The following CAMK2G variants were observed in gnomAD, a reference collection of about 807,000 sequenced individuals.
CAMK2G encodes calcium/calmodulin dependent protein kinase II gamma.
In CAMK2G, 23 loss-of-function variants were observed where a neutral mutation model predicts 88.7. The ratio of observed to expected loss-of-function variants is 0.26; its 90% CI spans 0.19 to 0.37. The LOEUF (loss-of-function observed/expected upper bound fraction) is 0.37, where lower values mean the gene tolerates loss of function less well. Ranked by LOEUF, CAMK2G falls within the 10% of genes least tolerant of loss-of-function variation. The pLI is 1.00. For missense variants in CAMK2G, 476 were observed against 780.8 expected (o/e 0.61, Z 4.65); for synonymous variants, 263 against 294.8 (o/e 0.89, Z 1.11).
chr10:73,839,840 G>A lies in CAMK2G; in HGVS notation c.947-239C>T, dbSNP rs1454787088. On this transcript the variant is annotated intron_variant, in intron 12 of 22. Coordinates refer to ENST00000423381, the MANE Select transcript of CAMK2G (RefSeq NM_001367534.1). This position sits in a 1 kb window ranked among gnomAD's most constrained non-coding sequence, Gnocchi z 4.2. ...GAACACTGCGTCCCCACCAGATGGAGAGGGCTGCAGTGCCTGTCTCATGAC... is the reference window on the plus strand; with the variant it reads ...GAACACTGCGTCCCCACCAGATGGAAAGGGCTGCAGTGCCTGTCTCATGAC... Among the ~76,000 whole-genome samples, 2 of 152,180 alleles carry A rather than the reference G, an allele frequency of 1.3e-5. No homozygotes were observed. The highest frequency in any genetic ancestry group is 4.8e-5 in the African/African-American group (2 of 41,448).
intron 10 of CAMK2G, chr10:73,846,887 G>A (rs1207518033): frequency 4.1e-6 from 1 of 243,554 alleles, no homozygotes; most frequent in East Asian, 9.3e-5. Flanking sequence ...ATGAACCCCA[G>A]CTTGGGAATT....
chr10:73,814,565 C>G (rs775131768), intron 22 of CAMK2G, 60 bp from the exon 23 acceptor site: 37 of 182,070 alleles, frequency 2.0e-4, no homozygotes, highest in Admixed American at 3.7e-4. Flanking sequence ...CAGATGAGTT[C>G]CAGCGACTTT....
In CAMK2G at chr10:73,849,332, G is replaced by T. The variant is rs368822119; in HGVS notation, c.343C>A (p.His115Asn). Residue 115 changes from histidine (H) to asparagine (N), a missense_variant and splice_region_variant, in exon 6 of 23, where the codon CAC becomes AAC. His to Asn is a moderately conservative substitution (Grantham distance 68, BLOSUM62 1). This residue lies in a region of CAMK2G where 164 missense variants were observed against 385.6 expected (regional missense o/e 0.43). Transcript: ENST00000423381. ...REYYSEADAS[H>N]CIHQILESVN... ...CTCTCCAGAATCTGATGTATACAGT[G>T]GCTAAAAAAGCAGAAGGAAAAGAAA... The T allele has an allele frequency of 1.0e-4, 162 of 1,609,012 alleles. No homozygotes were observed. The highest frequency in any genetic ancestry group is 1.3e-4 in the Non-Finnish European group (154 of 1,175,700).
intron 2 of CAMK2G, among the ~76,000 whole-genome samples, chr10:73,863,308 C>T (rs2095459659): frequency 6.6e-6 from 1 of 152,210 alleles, no homozygotes; most frequent in Admixed American, 6.5e-5. Flanking sequence ...TCCCAGATCA[C>T]CTGGCATCCC....
In CAMK2G at chr10:73,874,390, GC is replaced by G; in HGVS notation, c.65+6del. Reference sequence around the variant, plus strand: ...GCAGGCAGGGGACCGCGGCGGGCGGGCCGTACTTGCCAAGCTCCTCGAAGAG... The same window carrying G: ...GCAGGCAGGGGACCGCGGCGGGCGGGCGTACTTGCCAAGCTCCTCGAAGAG... On this transcript the variant is annotated splice_donor_region_variant and intron_variant, in intron 1 of 22. Transcript: ENST00000423381. 6.7e-7 allele frequency: 1 copy of G among 1,487,970 alleles called. No individual in the cohort carries two copies. Among genetic ancestry groups the G allele is most frequent in the Non-Finnish European group, 9.0e-7 (1 of 1,107,298 alleles). 92.2% of individuals were successfully genotyped at this position (1,487,970 alleles called of 1,614,324 possible).
intron 13 of CAMK2G, among the ~76,000 whole-genome samples, chr10:73,838,890 C>T (rs780230317): frequency 3.9e-5 from 6 of 152,190 alleles, no homozygotes; most frequent in South Asian, 2.1e-4. Context: ...GGACTTCTTA[C>T]GAGCTCCCAG....
rs995704662 is a variant in CAMK2G at position 73,848,904 on chromosome 10, G to A, written c.517+109C>T. ...GTCGCGTACGGCCAAGAGAGATCTC[G>A]GAGGCCAGGACCATTAAGGGTCTGG... On this transcript the variant is annotated intron_variant, in intron 7 of 22. Coordinates refer to ENST00000423381, the MANE Select transcript of CAMK2G (RefSeq NM_001367534.1). This position sits in a 1 kb window ranked among gnomAD's most constrained non-coding sequence, Gnocchi z 4.5. 5.1e-6 allele frequency: 4 copies of A among 789,500 alleles called. No homozygotes were observed. Among genetic ancestry groups the A allele is most frequent in the Admixed American group, 1.7e-5 (1 of 57,250 alleles). The allele number at this position is 789,500 out of a possible 1,614,324, so 48.9% of individuals were successfully genotyped here.
Position 73,849,448 on chromosome 10 carries a change from A to G in CAMK2G, c.342-115T>C, listed in dbSNP as rs567583662. 16 of 693,934 alleles carry G rather than the reference A, an allele frequency of 2.3e-5. No homozygotes were observed. In the East Asian group the frequency reaches 4.1e-4, roughly 18 times the overall value. The allele number at this position is 693,934 out of a possible 1,614,324, so 43.0% of individuals were successfully genotyped here. ...ACAAGGGGCCACGGATTCACAGAGA[A>G]TCACTTAACGGCCACTGGAACCTTA... On this transcript the variant is annotated intron_variant, in intron 5 of 22. Coordinates refer to ENST00000423381, the MANE Select transcript of CAMK2G (RefSeq NM_001367534.1).
chr10:73,821,711 T>G lies in CAMK2G; in HGVS notation c.1220A>C (p.Asn407Thr), dbSNP rs199893895. ...DGIKGSTESC[N>T]TTTEDEDLKA... ...GAGGTCCTCATCTTCTGTGGTGGTG[T>G]TGCAGCTCTCTGTGGAGCCCTGTAG... The change falls in exon 18 of 23, where the codon AAC becomes ACC. Residue 407 changes from asparagine (N) to threonine (T), a missense_variant. Physicochemically the swap from Asn to Thr is moderately conservative, Grantham distance 65 (BLOSUM62 0). Coordinates refer to ENST00000423381, the MANE Select transcript of CAMK2G (RefSeq NM_001367534.1). 256 of 1,611,770 alleles carry G rather than the reference T, an allele frequency of 1.6e-4. No homozygotes were observed. The highest frequency in any genetic ancestry group is 2.0e-4 in the Non-Finnish European group (240 of 1,179,088).
intron 4 of CAMK2G, chr10:73,852,679 T>C: frequency 3.4e-6 from 1 of 293,440 alleles, no homozygotes; most frequent in South Asian, 4.5e-5. Flanking sequence ...AGGACAGAGC[T>C]ACTACTGAAG....
intron 14 of CAMK2G, among the ~76,000 whole-genome samples, chr10:73,831,429 T>C (rs577945495): frequency 1.9e-3 from 285 of 150,262 alleles, no homozygotes; most frequent in Non-Finnish European, 3.1e-3. Context: ...TCCCAGCTAC[T>C]TGGGAGGCTG....
rs763950491 is a variant in CAMK2G, at chr10:73,815,137, C to T, written c.1645G>A (p.Asp549Asn). 1.9e-5 allele frequency: 30 copies of T among 1,614,100 alleles called. No homozygotes were observed. The highest frequency in any genetic ancestry group is 2.7e-5 in the African/African-American group (2 of 74,936). Reference sequence around the variant, plus strand: ...CTGGTGCGAGGCCGACCCTGCCCGTCGATGTACTGGGTGAGGCGGATGTAG... The same window carrying T: ...CTGGTGCGAGGCCGACCCTGCCCGTTGATGTACTGGGTGAGGCGGATGTAG... ...IAYIRLTQYI[D>N]GQGRPRTSQS... Residue 549 changes from aspartate to asparagine, a missense_variant, in exon 22 of 23, where the codon GAC becomes AAC. Physicochemically the swap from Asp to Asn is conservative, Grantham distance 23. Around this residue, in one of 3 missense-constraint regions of CAMK2G, gnomAD observed 278 missense variants for 366.5 expected, o/e 0.76. Coordinates refer to ENST00000423381, the MANE Select transcript of CAMK2G (RefSeq NM_001367534.1).
intron 2 of CAMK2G, among the ~76,000 whole-genome samples, chr10:73,864,677 C>G (rs571718752): frequency 1.3e-5 from 2 of 152,128 alleles, no homozygotes; most frequent in South Asian, 4.1e-4. Flanking sequence ...GAGTCTTACT[C>G]TGTTGCCCAG....
intron 14 of CAMK2G, 69 bp downstream of exon 14, chr10:73,837,399 G>A: frequency 8.2e-7 from 1 of 1,212,374 alleles, no homozygotes; most frequent in Non-Finnish European, 1.2e-6. Context: ...GGGGAACCAG[G>A]TGCCAAGAAT....
chr10:73,837,511 G>A lies in CAMK2G; in HGVS notation c.1010C>T (p.Ala337Val). ...AASAAGLAGQ[A>V]AKSLLNKKSD... ...CTTCTTGTTCAATAGGCTTTTGGCA[G>A]CTGTGAAAACAAAGAGGAATATCAA... is the stretch of plus-strand genomic sequence containing the variant. Residue 337 changes from alanine (A) to valine (V), a missense_variant and splice_region_variant, in exon 14 of 23, where the codon GCT (alanine) becomes GTT (valine). Coordinates refer to ENST00000423381, the MANE Select transcript of CAMK2G (RefSeq NM_001367534.1). 6.2e-7 allele frequency: 1 copy of A among 1,613,130 alleles called. No homozygotes were observed. Among genetic ancestry groups the A allele is most frequent in the Non-Finnish European group, 8.5e-7 (1 of 1,179,100 alleles).
At chr10:73,865,733 C>T (rs556357734) in intron 2 of CAMK2G, among the ~76,000 whole-genome samples, 50 of 152,294 alleles carry the variant, frequency 3.3e-4, no homozygotes, top group African/African-American at 6.7e-4. Context: ...GGCCCTGGCT[C>T]GGCATCTCAA....
At chr10:73,821,499 A>G (rs1233186747) in intron 18 of CAMK2G, among the ~76,000 whole-genome samples, 183 bp downstream of exon 18, 2 of 152,184 alleles carry the variant, frequency 1.3e-5, no homozygotes, top group Admixed American at 1.3e-4. Flanking sequence ...TGCCCAACTC[A>G]GCAACACCAG....
Position 73,848,689 on chromosome 10 carries a change from C to A in CAMK2G, c.518-80G>T. Reference sequence around the variant, plus strand: ...TCCACACCAGCCATTTCCCCCAAGTCCCATCTTATTCCTGCTGCTTTTGCT... The same window carrying A: ...TCCACACCAGCCATTTCCCCCAAGTACCATCTTATTCCTGCTGCTTTTGCT... On this transcript the variant is annotated intron_variant, in intron 7 of 22. Transcript: ENST00000423381. The surrounding 1 kb of genome is among the most constrained non-coding windows in gnomAD (Gnocchi z 4.5). 1.3e-6 allele frequency: 1 copy of A among 798,222 alleles called. No individual in the cohort carries two copies. Among genetic ancestry groups the A allele is most frequent in the South Asian group, 1.6e-5 (1 of 61,900 alleles). The allele number at this position is 798,222 out of a possible 1,614,324, so 49.4% of individuals were successfully genotyped here.
chr10:73,817,467 G>T lies in CAMK2G; in HGVS notation c.1439+12C>A, dbSNP rs770210278. ...TGACTTAGGTCACAAAAAAAAATGG[G>T]TCTCTACTTACGTGTAGGCCTCAAA... On this transcript the variant is annotated intron_variant, in intron 20 of 22. Transcript: ENST00000423381. 1 of 1,580,096 alleles carries T rather than the reference G, an allele frequency of 6.3e-7. No individual in the cohort carries two copies. Among genetic ancestry groups the T allele is most frequent in the Non-Finnish European group, 8.7e-7 (1 of 1,148,954 alleles).
Sources: allele counts gnomAD v4.1 joint callset (sites outside exome capture counted in the v4.1 genomes callset), GRCh38; gene constraint gnomAD v4.1.1; regional missense constraint gnomAD v4.1.1; non-coding constraint Gnocchi (gnomAD v3.1); transcripts MANE v1.5; gene names NCBI Gene and HGNC (gene_info 2026-07-23, HGNC 2026-07-21).